Variants in ZSCAN5A observed in about 807,000 individuals in gnomAD.
ZSCAN5A encodes zinc finger and SCAN domain containing 5A, also known as zinc finger and SCAN domain-containing protein 5A.
A neutral mutation model predicts 23.7 loss-of-function variants in ZSCAN5A; 12 were observed. The ratio of observed to expected loss-of-function variants is 0.51; its 90% confidence interval spans 0.32 to 0.82. The LOEUF (loss-of-function observed/expected upper bound fraction) is 0.82, where lower values mean the gene tolerates loss of function less well. Among genes scored for constraint, ZSCAN5A ranks in the 40% least tolerant of loss-of-function variants. ZSCAN5A has a pLI of 0.03. For missense variants in ZSCAN5A, 597 were observed against 617.9 expected, an observed-to-expected ratio of 0.97 and a Z score of 0.36; for synonymous variants, 257 against 239.9, an observed-to-expected ratio of 1.07 and a Z score of -0.66.
chr19:56,264,679 T>G (rs1312446351), intron 2 of ZSCAN5A, among the ~76,000 whole-genome samples: 3 of 152,228 alleles, frequency 2.0e-5, no homozygotes, highest in Non-Finnish European at 4.4e-5. Context: ...ATGTATTGTC[T>G]CTGGTGGCTT....
intron 2 of ZSCAN5A, among the ~76,000 whole-genome samples, chr19:56,327,660 T>C: frequency 1.3e-5 from 2 of 151,452 alleles, no homozygotes. Context: ...TCTTATACTA[T>C]CTAGGTATAA....
chr19:56,243,250 G>C (rs565295668), intron 2 of ZSCAN5A, among the ~76,000 whole-genome samples: 30 of 152,150 alleles, frequency 2.0e-4, no homozygotes, highest in Admixed American at 1.8e-3. Context: ...GATGGGGATG[G>C]GGTTCCTTTT....
intron 2 of ZSCAN5A, chr19:56,228,249 C>G (rs2061745271): frequency 1.0e-6 from 1 of 985,236 alleles, no homozygotes; most frequent in Non-Finnish European, 1.2e-6. Context: ...GCTGGACACT[C>G]ACCTCCTTCC....
intron 2 of ZSCAN5A, among the ~76,000 whole-genome samples, chr19:56,305,030 T>C (rs555887564): frequency 2.0e-5 from 3 of 152,272 alleles, no homozygotes; most frequent in South Asian, 2.1e-4. Flanking sequence ...AGGAAACACA[T>C]TGTAAATGAC....
chr19:56,233,216 G>A (rs1288922504), intron 2 of ZSCAN5A, among the ~76,000 whole-genome samples: 5 of 152,038 alleles, frequency 3.3e-5, no homozygotes, highest in Non-Finnish European at 7.4e-5. Flanking sequence ...CATTTCACAT[G>A]TGCCTACAGG....
intron 2 of ZSCAN5A, among the ~76,000 whole-genome samples, chr19:56,335,246 A>G (rs112791629): frequency 1.4e-4 from 3 of 21,636 alleles, no homozygotes; most frequent in African/African-American, 2.4e-3. Flanking sequence ...CAAGGATAGA[A>G]AAAAAAAAAA....
chr19:56,320,067 T>C, intron 2 of ZSCAN5A: 1 of 781,514 alleles, frequency 1.3e-6, no homozygotes, highest in Non-Finnish European at 2.4e-6. Context: ...TTACAAAATC[T>C]CTTCTTATAC....
At chr19:56,333,343 TTTA>T (rs2041506335) in intron 2 of ZSCAN5A, among the ~76,000 whole-genome samples, 1 of 151,816 alleles carries the variant, frequency 6.6e-6, no homozygotes, top group Non-Finnish European at 1.5e-5. Flanking sequence ...TCTCAAAGAC[TTTA>T]TTTTTTTTTT....
chr19:56,302,534 T>TCCTCCCC (rs2040347642), intron 2 of ZSCAN5A, among the ~76,000 whole-genome samples: 1 of 19,438 alleles, frequency 5.1e-5, no homozygotes, highest in Non-Finnish European at 1.7e-4. Flanking sequence ...CCCTCCCTCT[T>TCCTCCCC]CTTCCTCCCC....
Position 56,221,424 on chromosome 19 carries a change from C to G in ZSCAN5A, c.*151G>C. The G allele has an allele frequency of 1.2e-6, 1 of 843,088 alleles. No individual in the cohort carries two copies. The highest frequency in any genetic ancestry group is 2.9e-5 in the Admixed American group (1 of 34,254). 52.2% of individuals were successfully genotyped at this position (843,088 alleles called of 1,614,324 possible). A position where few individuals can be genotyped will look rare whatever the true frequency, so the allele number is the denominator to read the frequency against. ...AAAACAAAGCTCAGTGGGGAGGACA[C>G]ATATTTACTCAAACATCCTGGCAAT... On this transcript the variant is annotated 3_prime_UTR_variant, in exon 6 of 6. Coordinates refer to ENST00000683990, the MANE Select transcript of ZSCAN5A (RefSeq NM_001322064.3).
chr19:56,246,234 T>C (rs557238264), intron 2 of ZSCAN5A: 20 of 201,950 alleles, frequency 9.9e-5, no homozygotes, highest in African/African-American at 4.2e-4. Flanking sequence ...AAAGTTGGTG[T>C]ATCCAGTCAG....
intron 2 of ZSCAN5A, chr19:56,343,112 TCCAC>T (rs2041607497): frequency 1.2e-5 from 9 of 754,206 alleles, no homozygotes; most frequent in Non-Finnish European, 2.2e-5. Flanking sequence ...TATCCAATGA[TCCAC>T]AATTTCATCC....
intron 2 of ZSCAN5A, among the ~76,000 whole-genome samples, chr19:56,341,721 A>C (rs1357437932): frequency 1.3e-5 from 2 of 150,692 alleles, no homozygotes; most frequent in African/African-American, 2.4e-5. Context: ...AAAAAAAAAA[A>C]AAAAAACCCT....
intron 2 of ZSCAN5A, among the ~76,000 whole-genome samples, chr19:56,358,120 A>AT (rs1399110101): frequency 6.7e-6 from 1 of 148,622 alleles, no homozygotes; most frequent in Non-Finnish European, 1.5e-5. Context: ...AAAACAAGTT[A>AT]TTTTTATTTT....
At chr19:56,301,364 G>T (rs1166380715) in intron 2 of ZSCAN5A, among the ~76,000 whole-genome samples, 1 of 152,082 alleles carries the variant, frequency 6.6e-6, no homozygotes, top group African/African-American at 2.4e-5. Context: ...ACTTCCTGAA[G>T]TTGCCATGCC....
At chr19:56,305,148 G>A (rs2040599847) in intron 2 of ZSCAN5A, among the ~76,000 whole-genome samples, 1 of 152,118 alleles carries the variant, frequency 6.6e-6, no homozygotes, top group African/African-American at 2.4e-5. Context: ...AACCATTAGT[G>A]ACATTCAGTA....
chr19:56,283,732 G>T (rs2038890459), intron 2 of ZSCAN5A: 1 of 152,064 alleles, frequency 6.6e-6, no homozygotes, highest in South Asian at 2.1e-4. Flanking sequence ...AGCTGCACAG[G>T]TCTCTGCAAA....
chr19:56,336,382 C>T (rs1403017000), intron 2 of ZSCAN5A, among the ~76,000 whole-genome samples: 1 of 152,190 alleles, frequency 6.6e-6, no homozygotes, highest in Non-Finnish European at 1.5e-5. Flanking sequence ...GCATCAGCTA[C>T]TGAGGCTTGT....
chr19:56,229,671 C>T (rs1029215282), intron 2 of ZSCAN5A, among the ~76,000 whole-genome samples: 5 of 152,094 alleles, frequency 3.3e-5, no homozygotes, highest in African/African-American at 4.8e-5. Context: ...TGGAAGAGAC[C>T]GCATCGAATC....
Sources: gnomAD v4.1 joint callset for allele counts (sites outside exome capture counted in the v4.1 genomes callset) on GRCh38, gnomAD v4.1.1 for gene constraint, MANE v1.5 for transcripts, NCBI Gene and HGNC (gene_info 2026-07-23, HGNC 2026-07-21) for gene names.